The following LRP1B variants were observed in gnomAD, a reference collection of about 807,000 sequenced individuals.
LRP1B encodes low-density lipoprotein receptor-related protein 1B.
In LRP1B, 217 loss-of-function variants were observed where a neutral mutation model predicts 556.6. The observed-to-expected ratio is 0.39, with a 90% CI of 0.35 to 0.44. LRP1B has a LOEUF of 0.44. Ranked by LOEUF, LRP1B falls within the 20% of genes least tolerant of loss-of-function variation. LRP1B has a pLI of 1.00. For missense variants in LRP1B, 5,053 were observed against 5,620.8 expected (o/e 0.90, Z 3.23); for synonymous variants, 2,047 against 1,865.8 (o/e 1.10, Z -2.50).
Position 140,867,826 on chromosome 2 carries a change from G to C in LRP1B, c.4343C>G (p.Ala1448Gly), listed in dbSNP as rs756034144. ...RIVWTDARSDAIYSALYDGTN... is the reference protein window; with the variant it reads ...RIVWTDARSDGIYSALYDGTN... The stretch of plus-strand genomic sequence containing the variant: ...TCCATCATAGAGGGCTGAATAAATA[G>C]CATCTGACCTACAGAAAGATAAATA... Residue 1448 changes from alanine (A) to glycine (G), a missense_variant, in exon 27 of 91, where the codon GCT becomes GGT. This residue lies in a region of LRP1B where 3,619 missense variants were observed against 3,931.9 expected (regional missense o/e 0.92). Transcript: ENST00000389484. 6.5e-6 allele frequency: 10 copies of C among 1,541,888 alleles called. No individual in the cohort carries two copies. Among genetic ancestry groups the C allele is most frequent in the Non-Finnish European group, 8.7e-6 (10 of 1,144,682 alleles).
chr2:141,699,290 AG>A (rs1329118397), intron 2 of LRP1B, among the ~76,000 whole-genome samples: 1 of 151,846 alleles, frequency 6.6e-6, no homozygotes, highest in Non-Finnish European at 1.5e-5. Context: ...AATGCACATC[AG>A]GGTTGCTAAC....
At chr2:140,324,941 TAAA>T (rs1244432904) in intron 80 of LRP1B, among the ~76,000 whole-genome samples, 1 of 146,794 alleles carries the variant, frequency 6.8e-6, no homozygotes. Context: ...AAAGGCACAA[TAAA>T]AATTTGATTT....
At chr2:141,147,616 T>TA (rs1364634955) in intron 7 of LRP1B, among the ~76,000 whole-genome samples, 10 of 152,186 alleles carry the variant, frequency 6.6e-5, no homozygotes, top group Admixed American at 5.9e-4. Context: ...CCATTTACTT[T>TA]AAAAAATCAA....
At chr2:141,389,975 T>C (rs1370671801) in intron 3 of LRP1B, among the ~76,000 whole-genome samples, 1 of 152,018 alleles carries the variant, frequency 6.6e-6, no homozygotes. Context: ...CCGTCTCTAC[T>C]AAAAATATGA....
chr2:140,767,334 C>A (rs1490556767), intron 35 of LRP1B, among the ~76,000 whole-genome samples: 1 of 151,902 alleles, frequency 6.6e-6, no homozygotes, highest in South Asian at 2.1e-4. Flanking sequence ...ATATGGTAGG[C>A]AAAATGTAAA....
intron 2 of LRP1B, among the ~76,000 whole-genome samples, chr2:141,645,469 CTTTT>C (rs750147915): frequency 2.8e-3 from 134 of 48,406 alleles, no homozygotes; most frequent in African/African-American, 0.012. Context: ...GAAGACAAGG[CTTTT>C]TTTTTTTTTT....
chr2:140,323,867 A>C, intron 81 of LRP1B, 26 bp downstream of exon 81: 1 of 1,163,594 alleles, frequency 8.6e-7, no homozygotes, highest in Non-Finnish European at 1.2e-6. Context: ...ACCAATATAG[A>C]CAACTTCATA....
At chr2:141,810,003 AC>A (rs1696284756) in intron 2 of LRP1B, among the ~76,000 whole-genome samples, 1 of 151,594 alleles carries the variant, frequency 6.6e-6, no homozygotes, top group South Asian at 2.1e-4. Flanking sequence ...GTTAATTCAC[AC>A]TCCAAAACTG....
intron 7 of LRP1B, among the ~76,000 whole-genome samples, chr2:141,161,801 C>T (rs774758207): frequency 3.7e-4 from 57 of 152,082 alleles, no homozygotes; most frequent in Non-Finnish European, 1.2e-4. Context: ...AGCTATGACA[C>T]AAGCTCACTA....
intron 2 of LRP1B, among the ~76,000 whole-genome samples, chr2:141,756,544 T>TAC (rs35271250): frequency 0.036 from 5,206 of 143,392 alleles, 92 homozygotes; most frequent in Middle Eastern, 0.052. Flanking sequence ...TCTCTCAAAT[T>TAC]ACACACACAC....
At chr2:140,483,492 G>C (rs898376793) in intron 59 of LRP1B, among the ~76,000 whole-genome samples, 3 of 150,190 alleles carry the variant, frequency 2.0e-5, no homozygotes, top group African/African-American at 7.3e-5. Flanking sequence ...GAAGCATATT[G>C]AATAGCATGA....
chr2:141,424,899 T>C (rs1680296243), intron 3 of LRP1B, among the ~76,000 whole-genome samples: 1 of 152,150 alleles, frequency 6.6e-6, no homozygotes, highest in African/African-American at 2.4e-5. Flanking sequence ...GAATGCAAAA[T>C]TGTGCTGCTG....
chr2:140,392,642 C>A (rs1428174219), intron 66 of LRP1B, among the ~76,000 whole-genome samples: 4 of 152,000 alleles, frequency 2.6e-5, no homozygotes, highest in African/African-American at 9.7e-5. Context: ...CATGTGCTAC[C>A]ACACCCGGCT....
intron 2 of LRP1B, among the ~76,000 whole-genome samples, chr2:141,800,389 T>C (rs1695972286): frequency 6.6e-6 from 1 of 152,232 alleles, no homozygotes; most frequent in Admixed American, 6.5e-5. Context: ...CTATCCCCTG[T>C]AAAAGGGGAC....
chr2:140,439,095 CAT>C (rs1573940129), intron 66 of LRP1B, among the ~76,000 whole-genome samples: 1 of 152,150 alleles, frequency 6.6e-6, no homozygotes, highest in East Asian at 1.9e-4. Context: ...ACTAAGCAGA[CAT>C]GTGAATCTAG....
intron 43 of LRP1B, among the ~76,000 whole-genome samples, chr2:140,588,185 G>C (rs184785791): frequency 6.6e-6 from 1 of 152,204 alleles, no homozygotes; most frequent in African/African-American, 2.4e-5. Flanking sequence ...CATAAAAGTA[G>C]GCTTTCCTTA....
chr2:141,110,727 A>G (rs1182785651), intron 7 of LRP1B, among the ~76,000 whole-genome samples: 1 of 151,960 alleles, frequency 6.6e-6, no homozygotes, highest in African/African-American at 2.4e-5. Flanking sequence ...CGATAGTTTC[A>G]CTTTTGATTT....
At chr2:140,320,670 C>T (rs1680064895) in intron 82 of LRP1B, among the ~76,000 whole-genome samples, 1 of 151,920 alleles carries the variant, frequency 6.6e-6, no homozygotes, top group South Asian at 2.1e-4. Flanking sequence ...TCAAGCTGTC[C>T]TCTGGTCTCT....
chr2:140,329,112 G>C (rs1331802589), intron 79 of LRP1B, among the ~76,000 whole-genome samples: 4 of 151,934 alleles, frequency 2.6e-5, no homozygotes, highest in Admixed American at 1.3e-4. Flanking sequence ...CTCCTTACTG[G>C]ATGCAAAGCT....
Sources: gnomAD v4.1 joint callset for allele counts (sites outside exome capture counted in the v4.1 genomes callset) on GRCh38, gnomAD v4.1.1 for gene constraint, gnomAD v4.1.1 regional missense constraint, MANE v1.5 for transcripts, NCBI Gene and HGNC (gene_info 2026-07-23, HGNC 2026-07-21) for gene names.